The following NEK5 variants were observed in gnomAD, a reference collection of about 807,000 sequenced individuals.
The protein encoded by NEK5 is NIMA related kinase 5, also known as serine/threonine-protein kinase Nek5.
In NEK5, 88 loss-of-function variants were observed where a neutral mutation model predicts 109.2. The observed-to-expected ratio is 0.81, with a 90% CI of 0.68 to 0.96. The LOEUF (loss-of-function observed/expected upper bound fraction) is 0.96. Ranked by LOEUF, NEK5 falls within the 40% of genes least tolerant of loss-of-function variation. NEK5 has a pLI of 0.00. For synonymous variants in NEK5, 283 were observed against 299.9 expected (o/e 0.94, Z 0.58); for missense variants, 834 against 920.7 (o/e 0.91, Z 1.22).
At chr13:52,124,853 G>A (rs973069615) in intron 3 of NEK5, among the ~76,000 whole-genome samples, 17 of 152,290 alleles carry the variant, frequency 1.1e-4, no homozygotes, top group African/African-American at 4.1e-4. Context: ...TTGGGGGCAT[G>A]GCTGGAGCAT....
intron 16 of NEK5, among the ~76,000 whole-genome samples, chr13:52,084,758 A>AGTGTGTGTGT (rs1238379537): frequency 6.6e-5 from 3 of 45,182 alleles, no homozygotes; most frequent in African/African-American, 1.6e-4. Context: ...AGAGAGAGAG[A>AGTGTGTGTGT]GAGAGTGTGT....
chr13:52,045,301 T>C (rs1403547533), intron 23 of NEK5, among the ~76,000 whole-genome samples: 5 of 150,428 alleles, frequency 3.3e-5, no homozygotes, highest in Non-Finnish European at 7.4e-5. Flanking sequence ...GGCTAATTTT[T>C]TTGTATTTTT....
intron 8 of NEK5, among the ~76,000 whole-genome samples, chr13:52,106,482 A>C (rs1171419206): frequency 2.0e-5 from 3 of 152,100 alleles, no homozygotes; most frequent in Non-Finnish European, 4.4e-5. Flanking sequence ...ATTACTGCTG[A>C]GGGCCAGGTG....
At chr13:52,063,408 G>C (rs918223094) in intron 21 of NEK5, among the ~76,000 whole-genome samples, 13 of 152,332 alleles carry the variant, frequency 8.5e-5, no homozygotes, top group Admixed American at 5.2e-4. Context: ...GCAGTGGCGT[G>C]ATCGCGGCTC....
intron 23 of NEK5, 83 bp from the exon 24 acceptor site, chr13:52,037,301 A>G (rs1954369165): frequency 1.7e-6 from 1 of 595,742 alleles, no homozygotes; most frequent in Admixed American, 6.3e-5. Context: ...CCTTTTCTCC[A>G]TCCCCAGTTG....
At chr13:52,055,936 C>A (rs1392213180) in intron 22 of NEK5, among the ~76,000 whole-genome samples, 1 of 151,468 alleles carries the variant, frequency 6.6e-6, no homozygotes, top group African/African-American at 2.4e-5. Context: ...GGATCAAATT[C>A]ACACATAACA....
intron 20 of NEK5, among the ~76,000 whole-genome samples, chr13:52,067,721 A>C (rs1593931888): frequency 8.1e-6 from 1 of 122,820 alleles, no homozygotes; most frequent in Non-Finnish European, 1.6e-5. Context: ...TTGCTCTGTC[A>C]CCCAGCTGGA....
chr13:52,057,356 T>A (rs1454547481), intron 22 of NEK5, among the ~76,000 whole-genome samples: 1 of 151,356 alleles, frequency 6.6e-6, no homozygotes. Context: ...CACAGCCGAA[T>A]TCTACCAGAG....
chr13:52,068,818 T>TA (rs780627734), intron 20 of NEK5, among the ~76,000 whole-genome samples: 3 of 151,602 alleles, frequency 2.0e-5, no homozygotes, highest in Non-Finnish European at 4.4e-5. Flanking sequence ...AAAAATATTT[T>TA]AAAAATCAGC....
At chr13:52,039,996 T>A (rs182551346) in intron 23 of NEK5, among the ~76,000 whole-genome samples, 2 of 151,540 alleles carry the variant, frequency 1.3e-5, no homozygotes, top group East Asian at 3.9e-4. Context: ...GCTTGTATGC[T>A]CCTTCCACCA....
intron 22 of NEK5, 117 bp from the exon 23 acceptor site, chr13:52,050,338 C>T (rs1954493077): frequency 5.9e-6 from 1 of 168,086 alleles, no homozygotes; most frequent in Admixed American, 6.5e-5. Flanking sequence ...TAGCCATTTC[C>T]ATCAAAACAG....
intron 21 of NEK5, among the ~76,000 whole-genome samples, chr13:52,063,983 T>A (rs1954641057): frequency 2.0e-5 from 2 of 99,788 alleles, no homozygotes; most frequent in African/African-American, 7.2e-5. Context: ...AGCCACCCCG[T>A]CCGGGAGGGA....
chr13:52,084,754 A>AGTGTGT (rs1352619697), intron 16 of NEK5, among the ~76,000 whole-genome samples: 6 of 51,438 alleles, frequency 1.2e-4, no homozygotes, highest in African/African-American at 2.6e-4. Flanking sequence ...AGAGAGAGAG[A>AGTGTGT]GAGAGAGAGT....
intron 22 of NEK5, among the ~76,000 whole-genome samples, chr13:52,053,850 C>G (rs1954529262): frequency 6.6e-6 from 1 of 152,196 alleles, no homozygotes; most frequent in Non-Finnish European, 1.5e-5. Context: ...AACCATCTCC[C>G]CACTGCTAGC....
At position 52,095,901 on chromosome 13, in the gene NEK5, G is replaced by C. The variant is rs138935469; in HGVS notation, c.1027-2666C>G. ...TTGTGTCTCTGCCCAATCTCATGTT[G>C]CACTGTAATCCCCAATGTTGGGAGA... On this transcript the variant is annotated intron_variant, in intron 12 of 23. Coordinates refer to ENST00000684899, the MANE Select transcript of NEK5 (RefSeq NM_001365552.1). Among the ~76,000 whole-genome samples the C allele has an allele frequency of 2.1e-3, 317 of 152,284 alleles. 1 individual carries two copies. Among genetic ancestry groups the C allele is most frequent in the Non-Finnish European group, 3.4e-3 (232 of 68,018 alleles).
chr13:52,116,905 TAA>T (rs1955870925), intron 4 of NEK5, among the ~76,000 whole-genome samples: 1 of 152,014 alleles, frequency 6.6e-6, no homozygotes, highest in Non-Finnish European at 1.5e-5. Context: ...TTCAAACCAA[TAA>T]AAACATCCTA....
rs182601834 is a variant in NEK5, at chr13:52,118,677, C to T, written c.214+642G>A. On this transcript the variant is annotated intron_variant, in intron 4 of 23. Coordinates refer to ENST00000684899, the MANE Select transcript of NEK5 (RefSeq NM_001365552.1). The stretch of plus-strand genomic sequence containing the variant: ...TCAGGTGTACAGAGGAAGGTACTTC[C>T]TTCCCTAAAGTTCTCCCCCTCTCCG... Among the ~76,000 whole-genome samples the T allele has an allele frequency of 2.6e-3, 392 of 152,270 alleles. 3 individuals carry two copies. The highest frequency in any genetic ancestry group is 4.7e-3 in the Non-Finnish European group (317 of 68,020).
intron 23 of NEK5, among the ~76,000 whole-genome samples, chr13:52,046,039 C>T (rs1954456146): frequency 6.8e-6 from 1 of 146,026 alleles, no homozygotes; most frequent in African/African-American, 2.6e-5. Context: ...CCACTACACT[C>T]CAGTCTGGGC....
chr13:52,067,953 A>C (rs1358799076), intron 20 of NEK5, among the ~76,000 whole-genome samples: 2 of 151,970 alleles, frequency 1.3e-5, no homozygotes, highest in Non-Finnish European at 2.9e-5. Context: ...CAGCCTCCCA[A>C]AGTGCTGGGA....
Sources: allele counts gnomAD v4.1 joint callset (sites outside exome capture counted in the v4.1 genomes callset), GRCh38; gene constraint gnomAD v4.1.1; transcripts MANE v1.5; gene names NCBI Gene and HGNC (gene_info 2026-07-23, HGNC 2026-07-21).